USP54: variants seen among roughly 807,000 people sequenced by gnomAD.
USP54 encodes the protein ubiquitin specific peptidase 54, also known as ubiquitin carboxyl-terminal hydrolase 54.
A neutral mutation model predicts 170.5 loss-of-function variants in USP54; 87 were observed. The observed-to-expected ratio is 0.51, with a 90% CI of 0.43 to 0.61. The LOEUF is 0.61. Ranked by LOEUF, USP54 falls within the 20% of genes least tolerant of loss-of-function variation. The pLI is 0.00. For synonymous variants in USP54, 655 were observed against 742.8 expected (o/e 0.88, Z 1.92); for missense variants, 1,786 against 2,047.8 (o/e 0.87, Z 2.47).
chr10:73,516,231 G>C, intron 20 of USP54, 144 bp downstream of exon 20: 4 of 939,118 alleles, frequency 4.3e-6, no homozygotes, highest in Non-Finnish European at 6.3e-6. Flanking sequence ...TGTCCTGAAG[G>C]CTTTCTGAGT....
intron 20 of USP54, among the ~76,000 whole-genome samples, chr10:73,510,729 G>A (rs1205244778): frequency 6.6e-6 from 1 of 152,168 alleles, no homozygotes; most frequent in Non-Finnish European, 1.5e-5. Flanking sequence ...GATTACAGGT[G>A]TGAGTCACTG....
At chr10:73,526,812 C>G in intron 15 of USP54, 32 bp from the exon 16 acceptor site, 1 of 1,608,460 alleles carries the variant, frequency 6.2e-7, no homozygotes. Context: ...CTAGTGAAAG[C>G]ATGAAAGCAG....
intron 1 of USP54, among the ~76,000 whole-genome samples, chr10:73,578,942 CTTTTTT>C (rs34362461): frequency 7.5e-6 from 1 of 134,000 alleles, no homozygotes. Flanking sequence ...GCAAAGATTC[CTTTTTT>C]TTTTTTTTTT....
chr10:73,608,747 A>T (rs2079885555), intron 1 of USP54, among the ~76,000 whole-genome samples: 1 of 152,110 alleles, frequency 6.6e-6, no homozygotes. Flanking sequence ...AATATAAAAA[A>T]TTAGCAGGGC....
At position 73,529,914 on chromosome 10, in the gene USP54, A is replaced by G. The variant is rs1295524178; in HGVS notation, c.1829-3T>C. 1 of 1,522,700 alleles carries G rather than the reference A, an allele frequency of 6.6e-7. No homozygotes were observed. The highest frequency in any genetic ancestry group is 1.4e-5 in the African/African-American group (1 of 71,848). 94.3% of individuals were successfully genotyped at this position (1,522,700 alleles called of 1,614,324 possible). ...TTCATCTGGTATAAATTCTTTAGCT[A>G]TCCCAATCAAAAGACAGGTATGGAA... is the stretch of plus-strand genomic sequence containing the variant. On this transcript the variant is annotated splice_region_variant and splice_polypyrimidine_tract_variant and intron_variant, in intron 14 of 23. Coordinates refer to ENST00000687698, the MANE Select transcript of USP54 (RefSeq NM_001391956.1).
At chr10:73,541,092 C>G (rs2066512903) in intron 9 of USP54, among the ~76,000 whole-genome samples, 1 of 152,154 alleles carries the variant, frequency 6.6e-6, no homozygotes, top group African/African-American at 2.4e-5. Flanking sequence ...TATAATAACT[C>G]TTTGAATTAC....
chr10:73,594,850 C>A (rs1289007427), upstream of USP54, among the ~76,000 whole-genome samples: 1 of 151,600 alleles, frequency 6.6e-6, no homozygotes, highest in East Asian at 1.9e-4. Flanking sequence ...AAGAATATAC[C>A]ATGAAGTAGA....
rs768949870 is a variant in USP54, at chr10:73,529,876, G to A, written c.1864C>T (p.Pro622Ser). ...CCACCAAATTTAATGTCGTAAGAAG[G>A]TGGCTTGCTTGGTTCATCTGGTATA... is the stretch of plus-strand genomic sequence containing the variant. Reference protein sequence around the residue: ...EFIPDEPSKPPSYDIKFGGPS... With the variant: ...EFIPDEPSKPSSYDIKFGGPS... The change falls in exon 15 of 24, where the codon CCT becomes TCT. Residue 622 changes from proline to serine, a missense_variant. Pro to Ser is a moderately conservative substitution (Grantham distance 74). Around this residue, in one of 3 missense-constraint regions of USP54, gnomAD observed 1,418 missense variants for 1,569.0 expected, o/e 0.90. Coordinates refer to ENST00000687698, the MANE Select transcript of USP54 (RefSeq NM_001391956.1). 3.2e-6 allele frequency: 5 copies of A among 1,550,918 alleles called. No individual in the cohort carries two copies. The Admixed American group carries it at 8.2e-5, about 25-fold the overall frequency.
At chr10:73,511,889 C>T (rs1265188346) in intron 20 of USP54, among the ~76,000 whole-genome samples, 2 of 150,382 alleles carry the variant, frequency 1.3e-5, no homozygotes, top group African/African-American at 2.4e-5. Flanking sequence ...ATTACAGGCA[C>T]GTGCCACAAT....
chr10:73,625,903 C>G (rs1281308388), upstream of USP54: 1 of 151,988 alleles, frequency 6.6e-6, no homozygotes, highest in Non-Finnish European at 1.5e-5. Context: ...CCCCGTTACC[C>G]CCGGCCCCGC....
Position 73,539,481 on chromosome 10 carries a change from C to T in USP54, c.938G>A (p.Arg313His), listed in dbSNP as rs369055025. The T allele has an allele frequency of 6.2e-6, 10 of 1,609,520 alleles. No individual in the cohort carries two copies. The highest frequency in any genetic ancestry group is 2.2e-5 in the East Asian group (1 of 44,854). The change falls in exon 10 of 24, where the codon CGC becomes CAC. Residue 313 changes from arginine (R) to histidine (H), a missense_variant. This residue lies in a region of USP54 where 361 missense variants were observed against 455.0 expected (regional missense o/e 0.79). Coordinates refer to ENST00000687698, the MANE Select transcript of USP54 (RefSeq NM_001391956.1). The stretch of plus-strand genomic sequence containing the variant: ...AGCATCATCAAAATACATCCATTTG[C>T]GAATCTTTGTTTGAAAAAAGAATGT... ...YSTFFFQTKIRKWMYFDDAHV... is the reference protein window; with the variant it reads ...YSTFFFQTKIHKWMYFDDAHV...
chr10:73,511,504 A>G (rs1195463300), intron 20 of USP54, among the ~76,000 whole-genome samples: 1 of 151,512 alleles, frequency 6.6e-6, no homozygotes, highest in Non-Finnish European at 1.5e-5. Flanking sequence ...TACAAAATAT[A>G]CAAAAATTAG....
At chr10:73,577,099 G>A (rs1187130538) in intron 1 of USP54, among the ~76,000 whole-genome samples, 1 of 152,186 alleles carries the variant, frequency 6.6e-6, no homozygotes, top group Admixed American at 6.5e-5. Flanking sequence ...AAGCAAGTAT[G>A]TTCCCTGGAA....
At chr10:73,569,961 G>C (rs1307399922) in intron 4 of USP54, among the ~76,000 whole-genome samples, 1 of 116,554 alleles carries the variant, frequency 8.6e-6, no homozygotes, top group African/African-American at 3.3e-5. Context: ...AGTAATACTG[G>C]TCAAAAAAAA....
At chr10:73,560,420 C>T (rs1197375177) in intron 4 of USP54, among the ~76,000 whole-genome samples, 2 of 149,446 alleles carry the variant, frequency 1.3e-5, no homozygotes, top group East Asian at 2.0e-4. Flanking sequence ...TTTGGGAGGT[C>T]GAGGCGGGCG....
chr10:73,541,604 C>A (rs976778701), intron 8 of USP54, 29 bp downstream of exon 8: 2 of 1,613,610 alleles, frequency 1.2e-6, no homozygotes, highest in African/African-American at 2.7e-5. Context: ...CCCTTTCCCA[C>A]TCCAAACCCC....
At position 73,499,035 on chromosome 10, in the gene USP54, T is replaced by C; in HGVS notation, c.4649A>G (p.Gln1550Arg). 1 of 1,614,168 alleles carries C rather than the reference T, an allele frequency of 6.2e-7. No individual in the cohort carries two copies. The change falls in exon 24 of 24, where the codon CAG becomes CGG. Residue 1550 changes from glutamine (Q) to arginine (R), a missense_variant. Physicochemically the swap from Gln to Arg is conservative, Grantham distance 43 (BLOSUM62 1). Around this residue, in one of 3 missense-constraint regions of USP54, gnomAD observed 1,418 missense variants for 1,569.0 expected, o/e 0.90. Coordinates refer to ENST00000687698, the MANE Select transcript of USP54 (RefSeq NM_001391956.1). ...AGTCAGGAATCTGGTCCCAATATGC[T>C]GGTTGGTCTCTGACCAGGGTGCCCA... ...NSWAPWSETN[Q>R]HIGTRFLTTP... is the part of the protein sequence containing the mutation.
intron 1 of USP54, among the ~76,000 whole-genome samples, chr10:73,610,321 T>C (rs983758221): frequency 2.6e-5 from 4 of 152,214 alleles, no homozygotes; most frequent in African/African-American, 7.2e-5. Flanking sequence ...GCCAGCTTTA[T>C]ATCAGAAACT....
chr10:73,561,124 A>AAAAAG (rs2072907931), intron 4 of USP54, among the ~76,000 whole-genome samples: 1 of 150,984 alleles, frequency 6.6e-6, no homozygotes, highest in Admixed American at 6.6e-5. Flanking sequence ...AAAAAAAAAA[A>AAAAAG]AAAAGAAATC....
Sources: gnomAD v4.1 joint callset for allele counts (sites outside exome capture counted in the v4.1 genomes callset) on GRCh38, gnomAD v4.1.1 for gene constraint, gnomAD v4.1.1 regional missense constraint, MANE v1.5 for transcripts, NCBI Gene and HGNC (gene_info 2026-07-23, HGNC 2026-07-21) for gene names.